Variants in TSPAN5 observed in about 807,000 individuals in gnomAD.
TSPAN5 encodes the protein tetraspanin 5.
Under a neutral mutation model 37.1 loss-of-function variants are expected in TSPAN5, and 10 were observed. The observed-to-expected ratio is 0.27, with a 90% CI of 0.17 to 0.46. TSPAN5 has a LOEUF of 0.46. Ranked by LOEUF, TSPAN5 falls within the 20% of genes least tolerant of loss-of-function variation. TSPAN5 has a pLI of 1.00. For synonymous variants in TSPAN5, 110 were observed against 118.9 expected (o/e 0.93, Z 0.48); for missense variants, 195 against 326.6 (o/e 0.60, Z 3.11).
intron 2 of TSPAN5, among the ~76,000 whole-genome samples, chr4:98,499,214 C>T (rs543634301): frequency 6.6e-6 from 1 of 152,344 alleles, no homozygotes; most frequent in African/African-American, 2.4e-5. Flanking sequence ...CACAGCCCAC[C>T]CCAGCTTCTG....
At chr4:98,485,541 C>T (rs921040741) in intron 3 of TSPAN5, 22 of 152,108 alleles carry the variant, frequency 1.4e-4, no homozygotes, top group African/African-American at 2.4e-4. Context: ...AGGTACCCCT[C>T]GGTTCTCCTT....
chr4:98,544,366 C>T lies in TSPAN5; in HGVS notation c.82-36638G>A, dbSNP rs376062235. Among the ~76,000 whole-genome samples the T allele has an allele frequency of 9.3e-4, 141 of 152,266 alleles. 2 individuals are homozygous for T. Among genetic ancestry groups the T allele is most frequent in the African/African-American group, 3.2e-3 (133 of 41,538 alleles). Reference sequence around the variant, plus strand: ...ACTTCACCATCTGGAGTCCCTACTGCAACCAAACTGTCCACTGTCAACCAT... The same window carrying T: ...ACTTCACCATCTGGAGTCCCTACTGTAACCAAACTGTCCACTGTCAACCAT... On this transcript the variant is annotated intron_variant, in intron 1 of 7. Transcript: ENST00000305798.
intron 1 of TSPAN5, among the ~76,000 whole-genome samples, chr4:98,513,950 C>T (rs559218138): frequency 1.3e-5 from 2 of 152,244 alleles, no homozygotes; most frequent in South Asian, 4.1e-4. Flanking sequence ...TTGACACTTT[C>T]AATCCTCTTT....
At chr4:98,533,945 A>AAAAAAAAAAAAC (rs1754167441) in intron 1 of TSPAN5, among the ~76,000 whole-genome samples, 2 of 141,668 alleles carry the variant, frequency 1.4e-5, no homozygotes, top group Non-Finnish European at 3.1e-5. Context: ...ATCTTAAAAA[A>AAAAAAAAAAAAC]AAAAAAAAAA....
chr4:98,625,828 A>G (rs1413390724), intron 1 of TSPAN5, among the ~76,000 whole-genome samples: 2 of 145,260 alleles, frequency 1.4e-5, no homozygotes, highest in Admixed American at 7.0e-5. Flanking sequence ...CATCAAATAC[A>G]CATCTTCTCT....
chr4:98,609,580 C>A (rs1334450275), intron 1 of TSPAN5, among the ~76,000 whole-genome samples: 1 of 152,182 alleles, frequency 6.6e-6, no homozygotes, highest in Non-Finnish European at 1.5e-5. Context: ...CGAGCACTGT[C>A]CTGAATACAG....
At chr4:98,551,769 GGA>G in intron 1 of TSPAN5, among the ~76,000 whole-genome samples, 1 of 151,854 alleles carries the variant, frequency 6.6e-6, no homozygotes, top group Non-Finnish European at 1.5e-5. Context: ...CAAAGTGCTG[GGA>G]TTACAGGCAT....
intron 1 of TSPAN5, among the ~76,000 whole-genome samples, chr4:98,513,442 G>A (rs533378297): frequency 6.6e-6 from 1 of 152,220 alleles, no homozygotes; most frequent in Non-Finnish European, 1.5e-5. Flanking sequence ...ATCAAAAGGA[G>A]GTGACTTTGG....
chr4:98,642,177 C>T (rs533016323), intron 1 of TSPAN5, among the ~76,000 whole-genome samples: 47 of 152,316 alleles, frequency 3.1e-4, no homozygotes, highest in African/African-American at 1.1e-3. Context: ...AGCAGGTCAA[C>T]CTTCTTAGAG....
At chr4:98,494,085 T>G (rs952903805) in intron 2 of TSPAN5, among the ~76,000 whole-genome samples, 1 of 152,192 alleles carries the variant, frequency 6.6e-6, no homozygotes, top group African/African-American at 2.4e-5. Context: ...GGTCCATGTC[T>G]GAGGCAATAG....
intron 1 of TSPAN5, among the ~76,000 whole-genome samples, chr4:98,526,890 C>T (rs576681325): frequency 1.3e-5 from 2 of 152,250 alleles, no homozygotes; most frequent in East Asian, 3.9e-4. Flanking sequence ...TTTTTAGCCT[C>T]ATGTAAATTG....
intron 1 of TSPAN5, among the ~76,000 whole-genome samples, chr4:98,545,322 T>A (rs1369982516): frequency 6.6e-6 from 1 of 152,198 alleles, no homozygotes; most frequent in Non-Finnish European, 1.5e-5. Context: ...AAATGGCCAA[T>A]GCCAAAAGCA....
chr4:98,627,684 T>C (rs1366197304), intron 1 of TSPAN5, among the ~76,000 whole-genome samples: 1 of 152,200 alleles, frequency 6.6e-6, no homozygotes, highest in Non-Finnish European at 1.5e-5. Context: ...CAGCAGAACA[T>C]TTGTGTGTAT....
At chr4:98,495,936 AAGAG>A (rs1753201790) in intron 2 of TSPAN5, among the ~76,000 whole-genome samples, 2 of 152,156 alleles carry the variant, frequency 1.3e-5, no homozygotes, top group African/African-American at 4.8e-5. Context: ...CTGGATAAGA[AAGAG>A]AGAGAGACAG....
At chr4:98,510,525 T>A (rs1181140790) in intron 1 of TSPAN5, among the ~76,000 whole-genome samples, 2 of 152,202 alleles carry the variant, frequency 1.3e-5, no homozygotes, top group Admixed American at 6.5e-5. Flanking sequence ...GGGTCCACAT[T>A]CTCCTTTTTA....
At chr4:98,500,803 G>A (rs924959276) in intron 2 of TSPAN5, among the ~76,000 whole-genome samples, 1 of 152,138 alleles carries the variant, frequency 6.6e-6, no homozygotes, top group Non-Finnish European at 1.5e-5. Context: ...ATTGTGGTAG[G>A]AACTGAGAAT....
chr4:98,655,158 GTTTTTGT>G (rs536277993), intron 1 of TSPAN5, among the ~76,000 whole-genome samples: 98 of 151,852 alleles, frequency 6.5e-4, no homozygotes, highest in South Asian at 1.7e-3. Context: ...GTTTTTTTTT[GTTTTTGT>G]TTTTTGTTTT....
chr4:98,517,773 T>C (rs1338509967), intron 1 of TSPAN5, among the ~76,000 whole-genome samples: 1 of 152,168 alleles, frequency 6.6e-6, no homozygotes, highest in Non-Finnish European at 1.5e-5. Context: ...ACATGGAGGC[T>C]GCAAGTTTAC....
intron 1 of TSPAN5, among the ~76,000 whole-genome samples, chr4:98,534,036 A>C (rs2110133019): frequency 1.5e-5 from 2 of 134,154 alleles, no homozygotes; most frequent in African/African-American, 5.6e-5. Flanking sequence ...CTCTGATCTT[A>C]GTTATTTCTT....
Sources: allele counts gnomAD v4.1 joint callset (sites outside exome capture counted in the v4.1 genomes callset), GRCh38; gene constraint gnomAD v4.1.1; transcripts MANE v1.5; gene names NCBI Gene and HGNC (gene_info 2026-07-23, HGNC 2026-07-21).